Variants in ASAP2 observed in about 807,000 individuals in gnomAD.
The protein encoded by ASAP2 is arf-GAP with SH3 domain, ANK repeat and PH domain-containing protein 2.
Under a neutral mutation model 131.4 loss-of-function variants are expected in ASAP2, and 45 were observed. That is an observed-to-expected ratio of 0.34 (90% confidence interval 0.27 to 0.44). The LOEUF is 0.44. Ranked by LOEUF, ASAP2 falls within the 20% of genes least tolerant of loss-of-function variation. The probability of loss-of-function intolerance (pLI) is 1.00; values close to 1 mark genes in which losing one functional copy is unlikely to be tolerated. For synonymous variants in ASAP2, 510 were observed against 503.0 expected (o/e 1.01, Z -0.19); for missense variants, 1,011 against 1,297.0 (o/e 0.78, Z 3.39).
chr2:9,288,684 C>A (rs192046818), intron 2 of ASAP2, among the ~76,000 whole-genome samples: 1 of 152,116 alleles, frequency 6.6e-6, no homozygotes, highest in East Asian at 1.9e-4. Context: ...AGCTTGTACT[C>A]CCCATACAAC....
rs76954072 is a variant in ASAP2, at chr2:9,318,881, G to A, written c.420+283G>A. Reference sequence around the variant, plus strand: ...TATTTTGGAAAAAGTAAAGAGTTTCGGTCTCTCCAGGGAGCAGGGAAACCT... The same window carrying A: ...TATTTTGGAAAAAGTAAAGAGTTTCAGTCTCTCCAGGGAGCAGGGAAACCT... On this transcript the variant is annotated intron_variant, in intron 4 of 27. Transcript: ENST00000281419. Among the ~76,000 whole-genome samples, 178 of 152,272 alleles carry A rather than the reference G, an allele frequency of 1.2e-3. 2 individuals carry two copies. The highest frequency in any genetic ancestry group is 3.9e-3 in the African/African-American group (163 of 41,556).
intron 1 of ASAP2, among the ~76,000 whole-genome samples, chr2:9,247,612 A>T (rs1011912941): frequency 1.3e-5 from 2 of 152,186 alleles, no homozygotes; most frequent in African/African-American, 4.8e-5. Context: ...ACTAGCTCAG[A>T]TGTCTTTGGT....
At chr2:9,243,863 T>A (rs1332392678) in intron 1 of ASAP2, among the ~76,000 whole-genome samples, 2 of 152,192 alleles carry the variant, frequency 1.3e-5, no homozygotes, top group Non-Finnish European at 2.9e-5. Flanking sequence ...TAGGAAATAG[T>A]GTAGTAAAAA....
chr2:9,395,734 A>G, intron 24 of ASAP2, among the ~76,000 whole-genome samples: 1 of 148,224 alleles, frequency 6.7e-6, no homozygotes, highest in East Asian at 2.0e-4. Flanking sequence ...CAGCCTCCCA[A>G]GTAGCTGGGA....
intron 1 of ASAP2, among the ~76,000 whole-genome samples, chr2:9,274,141 A>T (rs13402270): frequency 0.1 from 15,335 of 152,136 alleles, 801 homozygotes; most frequent in Admixed American, 0.14. Flanking sequence ...GATAGTTTTT[A>T]TGATGGCATC....
At chr2:9,400,871 AG>A (rs1388373154) in intron 26 of ASAP2, 41 bp downstream of exon 26, 7 of 1,577,816 alleles carry the variant, frequency 4.4e-6, no homozygotes, top group Non-Finnish European at 3.5e-6. Flanking sequence ...TGCTCTAGCC[AG>A]GGGGGTGCAG....
rs772052585 is a variant in ASAP2 at position 9,281,739 on chromosome 2, G to T, written c.199+2350G>T. Among the ~76,000 whole-genome samples, 3 of 152,178 alleles carry T rather than the reference G, an allele frequency of 2.0e-5. No individual in the cohort carries two copies. Among genetic ancestry groups the T allele is most frequent in the Non-Finnish European group, 4.4e-5 (3 of 68,030 alleles). On this transcript the variant is annotated intron_variant, in intron 2 of 27. Coordinates refer to ENST00000281419, the MANE Select transcript of ASAP2 (RefSeq NM_003887.3). The surrounding 1 kb of genome is among the most constrained non-coding windows in gnomAD (Gnocchi z 4.0). ...CAGATCCATCCAAAGATTTTAATGTGCTAGTAATGTGGATTGTGAGTGGTT... is the reference window on the plus strand; with the variant it reads ...CAGATCCATCCAAAGATTTTAATGTTCTAGTAATGTGGATTGTGAGTGGTT...
rs1179182153 is a variant in ASAP2 at position 9,281,426 on chromosome 2, G to C, written c.199+2037G>C. On this transcript the variant is annotated intron_variant, in intron 2 of 27. Transcript: ENST00000281419. The surrounding 1 kb of genome is among the most constrained non-coding windows in gnomAD (Gnocchi z 4.0). The stretch of plus-strand genomic sequence containing the variant: ...AGAAGGCGCTAGTGCTTCGGTGTCA[G>C]GAAGCTGGCCTGCAGGAATTTAACA... Among the ~76,000 whole-genome samples, 1 of 152,198 alleles carries C rather than the reference G, an allele frequency of 6.6e-6. No homozygotes were observed. The highest frequency in any genetic ancestry group is 1.5e-5 in the Non-Finnish European group (1 of 68,036).
intron 3 of ASAP2, among the ~76,000 whole-genome samples, chr2:9,306,037 G>C (rs537876811): frequency 1.4e-5 from 2 of 146,322 alleles, no homozygotes; most frequent in South Asian, 4.4e-4. Flanking sequence ...GGATGGAGGG[G>C]CTGTGGGAGA....
chr2:9,398,233 G>A (rs1676339522), intron 24 of ASAP2, among the ~76,000 whole-genome samples: 1 of 151,802 alleles, frequency 6.6e-6, no homozygotes, highest in African/African-American at 2.4e-5. Context: ...AAACCAGCTG[G>A]GTGCAGTGGC....
chr2:9,308,984 C>T (rs909919827), intron 3 of ASAP2, among the ~76,000 whole-genome samples: 1 of 152,300 alleles, frequency 6.6e-6, no homozygotes, highest in African/African-American at 2.4e-5. Context: ...AGAGAGCTGT[C>T]CTTTGAACCT....
At chr2:9,346,358 C>T (rs754175338) in intron 11 of ASAP2, among the ~76,000 whole-genome samples, 4 of 151,156 alleles carry the variant, frequency 2.6e-5, no homozygotes, top group Admixed American at 1.3e-4. Flanking sequence ...ATTGCTTAAA[C>T]GCAGGAGGCA....
intron 16 of ASAP2, among the ~76,000 whole-genome samples, chr2:9,370,196 T>C (rs1381440317): frequency 6.6e-6 from 1 of 152,186 alleles, no homozygotes; most frequent in African/African-American, 2.4e-5. Context: ...TTGCAGGACC[T>C]GTATTCTTTC....
At chr2:9,349,734 C>T (rs1051705610) in intron 11 of ASAP2, among the ~76,000 whole-genome samples, 1 of 152,206 alleles carries the variant, frequency 6.6e-6, no homozygotes, top group African/African-American at 2.4e-5. Context: ...AACCCAAATC[C>T]TTCACGCTGC....
chr2:9,273,947 G>A (rs1286088870), intron 1 of ASAP2, among the ~76,000 whole-genome samples: 46 of 152,324 alleles, frequency 3.0e-4, no homozygotes, highest in Non-Finnish European at 1.0e-4. Flanking sequence ...TTGGGAAAGG[G>A]CCATTGTCAT....
In ASAP2 at chr2:9,232,262, G is replaced by A. The variant is rs1041033255; in HGVS notation, c.126+25032G>A. 6.6e-6 allele frequency among the ~76,000 whole-genome samples: 1 copy of A among 151,406 alleles called. No individual in the cohort carries two copies. The highest frequency in any genetic ancestry group is 2.4e-5 in the African/African-American group (1 of 41,328). ...GTGTCAACACGCCTCACTGCCCTGC[G>A]CCCGATCCTTTTACACAGGTGGTCC... On this transcript the variant is annotated intron_variant, in intron 1 of 27. Coordinates refer to ENST00000281419, the MANE Select transcript of ASAP2 (RefSeq NM_003887.3). This position sits in a 1 kb window ranked among gnomAD's most constrained non-coding sequence, Gnocchi z 4.1.
At chr2:9,273,869 T>C (rs1209097972) in intron 1 of ASAP2, among the ~76,000 whole-genome samples, 1 of 152,254 alleles carries the variant, frequency 6.6e-6, no homozygotes, top group African/African-American at 2.4e-5. Context: ...CCATAATTTC[T>C]AAACTTGTGG....
chr2:9,234,590 C>T (rs1428699388), intron 1 of ASAP2, among the ~76,000 whole-genome samples: 1 of 152,158 alleles, frequency 6.6e-6, no homozygotes, highest in African/African-American at 2.4e-5. Flanking sequence ...TTCACAGCCA[C>T]CTGGGGAAGT....
At chr2:9,401,191 G>A (rs1676634848) in intron 26 of ASAP2, 83 bp from the exon 27 acceptor site, 31 of 1,553,172 alleles carry the variant, frequency 2.0e-5, no homozygotes, top group South Asian at 8.3e-5. Flanking sequence ...TCCTGAGACC[G>A]GGGAAGGCAG....
Sources: allele counts gnomAD v4.1 joint callset (sites outside exome capture counted in the v4.1 genomes callset), GRCh38; gene constraint gnomAD v4.1.1; non-coding constraint Gnocchi (gnomAD v3.1); transcripts MANE v1.5; gene names NCBI Gene and HGNC (gene_info 2026-07-23, HGNC 2026-07-21).